PPP2R5A: variants seen among roughly 807,000 people sequenced by gnomAD.
The protein encoded by PPP2R5A is protein phosphatase 2 regulatory subunit B'alpha, also known as serine/threonine-protein phosphatase 2A 56 kDa regulatory subunit alpha isoform.
In PPP2R5A, 25 loss-of-function variants were observed where a neutral mutation model predicts 64.2. That is an observed-to-expected ratio of 0.39 (90% CI 0.28 to 0.54). The LOEUF is 0.54. PPP2R5A is among the 20% of genes least tolerant of loss of function. The pLI, the probability that PPP2R5A is intolerant of heterozygous loss-of-function variation, is 0.67. For synonymous variants in PPP2R5A, 198 were observed against 201.2 expected, an observed-to-expected ratio of 0.98 and a Z score of 0.13; for missense variants, 425 against 576.3, an observed-to-expected ratio of 0.74 and a Z score of 2.69.
At chr1:212,357,133 A>G in intron 10 of PPP2R5A, 24 bp from the exon 11 acceptor site, 3 of 1,579,424 alleles carry the variant, frequency 1.9e-6, no homozygotes, top group Non-Finnish European at 2.6e-6. Context: ...TAGTTTTGAC[A>G]TTTCTCTAAA....
chr1:212,302,030 G>T, intron 1 of PPP2R5A: 2 of 1,521,570 alleles, frequency 1.3e-6, no homozygotes, highest in Non-Finnish European at 1.8e-6. Context: ...TATCACCTCA[G>T]AAGTTTAGTT....
At chr1:212,337,001 A>G (rs939095355) in intron 3 of PPP2R5A, among the ~76,000 whole-genome samples, 4 of 152,166 alleles carry the variant, frequency 2.6e-5, no homozygotes, top group Non-Finnish European at 5.9e-5. Context: ...AACATGTGCT[A>G]ATAAAAGTTT....
intron 1 of PPP2R5A, among the ~76,000 whole-genome samples, chr1:212,319,102 T>C (rs1659211759): frequency 6.6e-6 from 1 of 152,202 alleles, no homozygotes; most frequent in Non-Finnish European, 1.5e-5. Flanking sequence ...GAAACAGATA[T>C]ATGTCATCAG....
chr1:212,306,757 A>ATTTC (rs1658922698), intron 1 of PPP2R5A: 2 of 147,300 alleles, frequency 1.4e-5, no homozygotes, highest in South Asian at 4.2e-4. Flanking sequence ...TTATTTATTT[A>ATTTC]TTTATTTATT....
intron 12 of PPP2R5A, among the ~76,000 whole-genome samples, chr1:212,359,636 A>G (rs1380905733): frequency 6.6e-6 from 1 of 152,228 alleles, no homozygotes; most frequent in Non-Finnish European, 1.5e-5. Context: ...ACTTCTAATA[A>G]GCATATTACC....
At chr1:212,312,653 G>A (rs1463403854) in intron 1 of PPP2R5A, among the ~76,000 whole-genome samples, 1 of 152,146 alleles carries the variant, frequency 6.6e-6, no homozygotes, top group African/African-American at 2.4e-5. Context: ...CCTAAGAGGA[G>A]ATGGGAGAAT....
chr1:212,322,755 TTTTA>T (rs59766947), intron 1 of PPP2R5A, among the ~76,000 whole-genome samples: 22,936 of 147,000 alleles, frequency 0.16, 2,173 homozygotes, highest in East Asian at 0.32. Flanking sequence ...TTAATTCTCA[TTTTA>T]TTTATTTATT....
At chr1:212,321,373 C>A (rs1659288100) in intron 1 of PPP2R5A, among the ~76,000 whole-genome samples, 1 of 151,818 alleles carries the variant, frequency 6.6e-6, no homozygotes, top group Non-Finnish European at 1.5e-5. Context: ...GGGGGCTGAC[C>A]CCCACCTCCC....
At chr1:212,316,180 A>C (rs551625043) in intron 1 of PPP2R5A, among the ~76,000 whole-genome samples, 1 of 152,328 alleles carries the variant, frequency 6.6e-6, no homozygotes, top group South Asian at 2.1e-4. Context: ...GCTAGAAATG[A>C]TTAAGCTTAG....
At chr1:212,341,300 T>A (rs908302190) in intron 3 of PPP2R5A, among the ~76,000 whole-genome samples, 2 of 152,210 alleles carry the variant, frequency 1.3e-5, no homozygotes, top group African/African-American at 4.8e-5. Flanking sequence ...ATTTCTTCCC[T>A]AGCCCTGTAC....
chr1:212,356,732 C>T (rs1318466532), intron 9 of PPP2R5A, 56 bp downstream of exon 9: 1 of 1,551,350 alleles, frequency 6.4e-7, no homozygotes, highest in East Asian at 2.3e-5. Flanking sequence ...AATCCCAGGG[C>T]TATAAACCAT....
chr1:212,352,734 G>A, intron 8 of PPP2R5A: 1 of 510,364 alleles, frequency 2.0e-6, no homozygotes, highest in Non-Finnish European at 3.9e-6. Flanking sequence ...AAAGGCCTGA[G>A]CCACCATGCC....
intron 1 of PPP2R5A, among the ~76,000 whole-genome samples, chr1:212,321,755 GC>G (rs1424266294): frequency 6.6e-6 from 1 of 151,706 alleles, no homozygotes; most frequent in Non-Finnish European, 1.5e-5. Flanking sequence ...GGGCGGCCAG[GC>G]AGAGACGCTC....
chr1:212,304,382 C>T (rs1658856942), intron 1 of PPP2R5A, among the ~76,000 whole-genome samples: 1 of 152,080 alleles, frequency 6.6e-6, no homozygotes, highest in Admixed American at 6.6e-5. Context: ...GAAACCCCGT[C>T]TCTTCTTAAA....
At chr1:212,323,096 TTTTAA>T (rs1425794056) in intron 1 of PPP2R5A, among the ~76,000 whole-genome samples, 1 of 152,198 alleles carries the variant, frequency 6.6e-6, no homozygotes, top group Non-Finnish European at 1.5e-5. Context: ...CTCATTTCAT[TTTTAA>T]TTTTTCTGTT....
At chr1:212,306,950 CAG>C (rs1466898700) in intron 1 of PPP2R5A, 20 of 152,034 alleles carry the variant, frequency 1.3e-4, no homozygotes, top group African/African-American at 4.6e-4. Context: ...TTAGTAGAGA[CAG>C]GGTTTCACCA....
intron 1 of PPP2R5A, among the ~76,000 whole-genome samples, chr1:212,312,968 A>C (rs1056662479): frequency 6.6e-6 from 1 of 152,238 alleles, no homozygotes; most frequent in Non-Finnish European, 1.5e-5. Context: ...AAAAATTATC[A>C]CTTCAACATA....
intron 8 of PPP2R5A, chr1:212,353,026 G>T: frequency 2.0e-6 from 1 of 500,048 alleles, no homozygotes; most frequent in Non-Finnish European, 4.0e-6. Flanking sequence ...GCTTAGGTGG[G>T]CCCTCTGCTC....
At chr1:212,323,065 C>A (rs1379182294) in intron 1 of PPP2R5A, among the ~76,000 whole-genome samples, 1 of 152,214 alleles carries the variant, frequency 6.6e-6, no homozygotes, top group Non-Finnish European at 1.5e-5. Context: ...GGATTACAGG[C>A]GTGAGCCACT....
Sources: gnomAD v4.1 joint callset for allele counts (sites outside exome capture counted in the v4.1 genomes callset) on GRCh38, gnomAD v4.1.1 for gene constraint, MANE v1.5 for transcripts, NCBI Gene and HGNC (gene_info 2026-07-23, HGNC 2026-07-21) for gene names.